Variants in ERI1 observed in about 807,000 individuals in gnomAD.
ERI1 encodes the protein 3'-5' exoribonuclease 1.
A neutral mutation model predicts 39.7 loss-of-function variants in ERI1; 39 were observed. That is an observed-to-expected ratio of 0.98 (90% CI 0.76 to 1.28). The LOEUF is 1.28. Ranked by LOEUF, ERI1 falls within the 50% of genes most tolerant of loss-of-function variation. ERI1 has a pLI of 0.00. For synonymous variants in ERI1, 204 were observed against 149.6 expected, an observed-to-expected ratio of 1.36 and a Z score of -2.65; for missense variants, 581 against 416.9, an observed-to-expected ratio of 1.39 and a Z score of -3.43.
downstream of ERI1, among the ~76,000 whole-genome samples, chr8:9,036,531 GTTTAAA>G (rs371621541): frequency 3.0e-4 from 46 of 152,122 alleles, no homozygotes; most frequent in African/African-American, 1.1e-3. Flanking sequence ...ATAGACTATT[GTTTAAA>G]TTTAACTTTT....
chr8:9,053,712 T>C (rs1047816178), intron 3 of ERI1, among the ~76,000 whole-genome samples: 4 of 152,200 alleles, frequency 2.6e-5, no homozygotes, highest in Non-Finnish European at 5.9e-5. Flanking sequence ...GAGGCCTTGG[T>C]TTGTGTGATA....
intron 3 of ERI1, among the ~76,000 whole-genome samples, chr8:9,057,474 T>C (rs1798546014): frequency 6.6e-6 from 1 of 152,196 alleles, no homozygotes; most frequent in South Asian, 2.1e-4. Context: ...CCAATCACTT[T>C]TGCGGTCCAA....
chr8:9,051,451 G>A (rs1054867085), intron 3 of ERI1, among the ~76,000 whole-genome samples: 4 of 152,112 alleles, frequency 2.6e-5, no homozygotes, highest in Non-Finnish European at 5.9e-5. Flanking sequence ...GAGGTCAGGA[G>A]TTCGAGAACA....
At chr8:9,011,792 A>C in intron 3 of ERI1, 40 bp downstream of exon 3, 1 of 1,477,430 alleles carries the variant, frequency 6.8e-7, no homozygotes, top group Non-Finnish European at 9.2e-7. Context: ...TTCTAGCAGC[A>C]ACTATTCTGG....
chr8:9,054,998 A>G (rs915853118), intron 3 of ERI1, among the ~76,000 whole-genome samples: 1 of 152,212 alleles, frequency 6.6e-6, no homozygotes, highest in African/African-American at 2.4e-5. Context: ...AAGGGTATGA[A>G]CTGTTAAAAG....
At chr8:9,056,925 C>G (rs1798526770) in intron 3 of ERI1, among the ~76,000 whole-genome samples, 1 of 152,066 alleles carries the variant, frequency 6.6e-6, no homozygotes, top group South Asian at 2.1e-4. Context: ...TCTTTGTCAT[C>G]TGGGTTCAAG....
intron 3 of ERI1, among the ~76,000 whole-genome samples, chr8:9,061,877 G>C (rs1798708862): frequency 1.3e-5 from 2 of 151,808 alleles, no homozygotes; most frequent in South Asian, 2.1e-4. Context: ...GGAAAGCGAA[G>C]AGAGGCTGGG....
chr8:9,043,642 G>C (rs1798090402), intron 3 of ERI1, among the ~76,000 whole-genome samples: 1 of 152,168 alleles, frequency 6.6e-6, no homozygotes, highest in African/African-American at 2.4e-5. Context: ...GAGAGGTTGG[G>C]CAATTTTGGA....
intron 6 of ERI1, among the ~76,000 whole-genome samples, chr8:9,028,123 T>C (rs1797315631): frequency 6.6e-6 from 1 of 152,218 alleles, no homozygotes; most frequent in South Asian, 2.1e-4. Flanking sequence ...TCTTCAATTT[T>C]TTTGTAGTAG....
At chr8:9,052,484 C>T (rs897515835) in intron 3 of ERI1, among the ~76,000 whole-genome samples, 1 of 152,116 alleles carries the variant, frequency 6.6e-6, no homozygotes, top group African/African-American at 2.4e-5. Flanking sequence ...TGGCAAGGTA[C>T]CGTCACTGAC....
At chr8:9,022,280 A>G (rs11775788) in intron 6 of ERI1, among the ~76,000 whole-genome samples, 39,376 of 152,022 alleles carry the variant, frequency 0.26, 5,590 homozygotes, top group Non-Finnish European at 0.32. Flanking sequence ...GACTGTTTTA[A>G]AAAAAATTGG....
chr8:9,068,449 G>A (rs1043141952), intron 3 of ERI1, among the ~76,000 whole-genome samples: 4 of 152,120 alleles, frequency 2.6e-5, no homozygotes, highest in African/African-American at 7.2e-5. Context: ...TGATCCTCCT[G>A]CCTTGGCCTC....
At chr8:9,075,008 G>A (rs984394041) in intron 3 of ERI1, among the ~76,000 whole-genome samples, 4 of 152,110 alleles carry the variant, frequency 2.6e-5, no homozygotes, top group Admixed American at 6.6e-5. Flanking sequence ...CTCTGGTCCC[G>A]TGGAAGCCCA....
At chr8:9,067,783 C>T (rs183792198) in intron 3 of ERI1, among the ~76,000 whole-genome samples, 4 of 151,964 alleles carry the variant, frequency 2.6e-5, no homozygotes, top group African/African-American at 9.7e-5. Context: ...TTCAAGATTA[C>T]ACAGCTAGTC....
intron 3 of ERI1, among the ~76,000 whole-genome samples, chr8:9,094,947 A>C (rs1384781953): frequency 3.3e-5 from 5 of 151,980 alleles, no homozygotes; most frequent in Admixed American, 3.3e-4. Context: ...GAAGGATCCA[A>C]AGATAATTAA....
rs1279756109 is a variant in ERI1 at position 9,031,283 on chromosome 8, T to G, written c.*1249T>G. The G allele has an allele frequency of 6.6e-6, 1 of 152,210 alleles. No homozygotes were observed. The highest frequency in any genetic ancestry group is 1.5e-5 in the Non-Finnish European group (1 of 68,026). The allele number at this position is 152,210 out of a possible 1,614,324, so 9.4% of individuals were successfully genotyped here. A position where few individuals can be genotyped will look rare whatever the true frequency, so the allele number is the denominator to read the frequency against. On this transcript the variant is annotated 3_prime_UTR_variant, in exon 7 of 7. Transcript: ENST00000250263. The stretch of plus-strand genomic sequence containing the variant: ...TCATATAGGGTGAAAAGCAGGAAAG[T>G]AGACATTTTTCTTGGCGTGGGAATT...
At chr8:9,089,055 T>A in intron 3 of ERI1, among the ~76,000 whole-genome samples, 1 of 152,214 alleles carries the variant, frequency 6.6e-6, no homozygotes, top group East Asian at 1.9e-4. Flanking sequence ...TTCCTCACTG[T>A]GTGATATTTG....
At chr8:9,085,064 C>G (rs1585296029) in intron 3 of ERI1, among the ~76,000 whole-genome samples, 1 of 152,184 alleles carries the variant, frequency 6.6e-6, no homozygotes, top group African/African-American at 2.4e-5. Flanking sequence ...TTCCCAAGAC[C>G]TCATGAATCA....
At chr8:9,008,286 T>A in intron 2 of ERI1, 138 bp downstream of exon 2, 1 of 752,692 alleles carries the variant, frequency 1.3e-6, no homozygotes. Flanking sequence ...AAAAACTAAT[T>A]AACATTTTTT....
Sources: allele counts gnomAD v4.1 joint callset (sites outside exome capture counted in the v4.1 genomes callset), GRCh38; gene constraint gnomAD v4.1.1; transcripts MANE v1.5; gene names NCBI Gene and HGNC (gene_info 2026-07-23, HGNC 2026-07-21).